Variants in HTR2C observed in about 807,000 individuals in gnomAD.
HTR2C encodes 5-hydroxytryptamine receptor 2C, also known as 5-hydroxytryptamine (serotonin) receptor 2C, G protein-coupled.
A neutral mutation model predicts 21.0 loss-of-function variants in HTR2C; 5 were observed. The ratio of observed to expected loss-of-function variants is 0.24; its 90% CI spans 0.12 to 0.50. HTR2C has a LOEUF of 0.50. Ranked by LOEUF, HTR2C falls within the 20% of genes least tolerant of loss-of-function variation. HTR2C has a pLI of 0.98. For synonymous variants in HTR2C, 150 were observed against 145.3 expected, an observed-to-expected ratio of 1.03 and a Z score of -0.23; for missense variants, 271 against 371.2, an observed-to-expected ratio of 0.73 and a Z score of 2.22.
chrX:114,877,583 T>C (rs923646581), intron 5 of HTR2C, among the ~76,000 whole-genome samples: 5 of 111,085 alleles, frequency 4.5e-5, no homozygotes, highest in Non-Finnish European at 7.6e-5. Flanking sequence ...TATCACTCTC[T>C]ACTTCCTATT....
At chrX:114,709,309 A>G in intron 2 of HTR2C, among the ~76,000 whole-genome samples, 2 of 112,124 alleles carry the variant, frequency 1.8e-5, no homozygotes, top group Non-Finnish European at 3.8e-5. Flanking sequence ...TCTGTCCAGA[A>G]TTTTGTAAAT....
At chrX:114,601,800 G>A (rs868944254) in intron 1 of HTR2C, among the ~76,000 whole-genome samples, 2 of 103,932 alleles carry the variant, frequency 1.9e-5, no homozygotes, top group South Asian at 9.7e-4. Context: ...TTTTGGGGGG[G>A]TGGTATGGAG....
chrX:114,893,227 T>C (rs1436821836), intron 5 of HTR2C, among the ~76,000 whole-genome samples: 1 of 110,885 alleles, frequency 9.0e-6, no homozygotes, highest in Non-Finnish European at 1.9e-5. Context: ...TTTTAAAATT[T>C]ATAAGGAAAA....
intron 2 of HTR2C, among the ~76,000 whole-genome samples, chrX:114,675,891 C>T (rs1339931140): frequency 5.7e-5 from 5 of 87,340 alleles, no homozygotes; most frequent in South Asian, 6.6e-4. Flanking sequence ...TTTTTTGAGA[C>T]GAAATCTTGC....
intron 4 of HTR2C, among the ~76,000 whole-genome samples, chrX:114,748,792 C>G (rs1024674183): frequency 9.0e-6 from 1 of 111,375 alleles, no homozygotes; most frequent in Non-Finnish European, 1.9e-5. Context: ...TGGAAGAAAA[C>G]AGAAGAAAAT....
chrX:114,616,391 A>G (rs1382928022), intron 2 of HTR2C, among the ~76,000 whole-genome samples: 1 of 110,106 alleles, frequency 9.1e-6, no homozygotes, highest in Non-Finnish European at 1.9e-5. Context: ...GGTTCAAGCA[A>G]TTCTCCTGCC....
intron 5 of HTR2C, among the ~76,000 whole-genome samples, chrX:114,901,248 T>A (rs1169906448): frequency 8.9e-6 from 1 of 112,345 alleles, no homozygotes; most frequent in African/African-American, 3.2e-5. Flanking sequence ...AATTCAAGGT[T>A]TTAAGAAATA....
At chrX:114,749,832 C>T (rs1271578774) in intron 4 of HTR2C, among the ~76,000 whole-genome samples, 1 of 111,645 alleles carries the variant, frequency 9.0e-6, no homozygotes, top group Non-Finnish European at 1.9e-5. Flanking sequence ...CATTATAAAC[C>T]GAAAGCAACC....
At chrX:114,629,267 T>A (rs1556403658) in intron 2 of HTR2C, among the ~76,000 whole-genome samples, 1 of 111,980 alleles carries the variant, frequency 8.9e-6, no homozygotes, top group Non-Finnish European at 1.9e-5. Flanking sequence ...ATATCTGGAG[T>A]ACACTTTCTT....
At chrX:114,809,581 A>C (rs1269247665) in intron 4 of HTR2C, among the ~76,000 whole-genome samples, 1 of 108,989 alleles carries the variant, frequency 9.2e-6, no homozygotes, top group Non-Finnish European at 1.9e-5. Flanking sequence ...ACAGGGTTTC[A>C]CTGTGTTGGC....
At chrX:114,673,749 T>C (rs1384368502) in intron 2 of HTR2C, among the ~76,000 whole-genome samples, 3 of 111,338 alleles carry the variant, frequency 2.7e-5, no homozygotes, top group African/African-American at 9.8e-5. Context: ...TAAAACTATT[T>C]TTTTTCATTT....
At chrX:114,821,878 CTT>C (rs782532204) in intron 4 of HTR2C, among the ~76,000 whole-genome samples, 12 of 93,933 alleles carry the variant, frequency 1.3e-4, no homozygotes, top group Admixed American at 2.3e-4. Flanking sequence ...ACTAAATATC[CTT>C]TTTTTTTTTT....
At chrX:114,652,804 C>A in intron 2 of HTR2C, 1 of 248,319 alleles carries the variant, frequency 4.0e-6, no homozygotes, top group Non-Finnish European at 8.5e-6. Context: ...CACAAGTGAT[C>A]GCCATATCTG....
intron 5 of HTR2C, among the ~76,000 whole-genome samples, chrX:114,856,919 A>T (rs1602883902): frequency 2.7e-5 from 3 of 111,230 alleles, no homozygotes; most frequent in South Asian, 7.5e-4. Flanking sequence ...CATTGAAAAT[A>T]GCAAATAACA....
chrX:114,891,876 T>C (rs1556482879), intron 5 of HTR2C, among the ~76,000 whole-genome samples: 2 of 110,969 alleles, frequency 1.8e-5, no homozygotes, highest in African/African-American at 3.3e-5. Flanking sequence ...GGAATAGATA[T>C]TGACTTTTGA....
chrX:114,712,697 G>A (rs1024562885), intron 2 of HTR2C, among the ~76,000 whole-genome samples: 13 of 111,410 alleles, frequency 1.2e-4, no homozygotes, highest in Middle Eastern at 4.7e-3. Context: ...TCATGTTGTC[G>A]TCAGCTGTTG....
At chrX:114,878,463 C>G (rs1158571192) in intron 5 of HTR2C, among the ~76,000 whole-genome samples, 1 of 110,927 alleles carries the variant, frequency 9.0e-6, no homozygotes, top group Non-Finnish European at 1.9e-5. Flanking sequence ...CAGAATACGA[C>G]ATTGTGTTTG....
chrX:114,786,889 TTTTTG>T (rs782017631), intron 4 of HTR2C, among the ~76,000 whole-genome samples: 9 of 111,214 alleles, frequency 8.1e-5, no homozygotes, highest in African/African-American at 2.0e-4. Context: ...TTTTGGGTGT[TTTTTG>T]TTTTGTTTTG....
intron 4 of HTR2C, among the ~76,000 whole-genome samples, chrX:114,845,371 C>T (rs1442739885): frequency 3.6e-5 from 4 of 109,928 alleles, no homozygotes; most frequent in East Asian, 5.7e-4. Flanking sequence ...TCAAAAGCTG[C>T]GCTCAGAGGG....
Sources: allele counts gnomAD v4.1 joint callset (sites outside exome capture counted in the v4.1 genomes callset), GRCh38; gene constraint gnomAD v4.1.1; transcripts MANE v1.5; gene names NCBI Gene and HGNC (gene_info 2026-07-23, HGNC 2026-07-21).